Variants in THAP6 observed in about 807,000 individuals in gnomAD.
THAP6 encodes THAP domain containing 6.
Under a neutral mutation model 20.0 loss-of-function variants are expected in THAP6, and 13 were observed. The observed-to-expected ratio is 0.65, with a 90% CI of 0.42 to 1.03. The LOEUF (loss-of-function observed/expected upper bound fraction) is 1.03, where lower values mean the gene tolerates loss of function less well. Ranked by LOEUF, THAP6 falls within the 50% of genes least tolerant of loss-of-function variation. The pLI is 0.00. For missense variants in THAP6, 262 were observed against 261.6 expected, an observed-to-expected ratio of 1.00 and a Z score of -0.01; for synonymous variants, 93 against 92.2, an observed-to-expected ratio of 1.01 and a Z score of -0.05.
At chr4:75,534,904 G>C (rs1726806723), downstream of THAP6, among the ~76,000 whole-genome samples, 2 of 152,056 alleles carry the variant, frequency 1.3e-5, no homozygotes, top group African/African-American at 4.8e-5. Flanking sequence ...AAAAAGTCAG[G>C]AAACGACAGG....
At chr4:75,540,518 A>G (rs1021446813) in intron 2 of THAP6, among the ~76,000 whole-genome samples, 2 of 152,218 alleles carry the variant, frequency 1.3e-5, no homozygotes, top group Non-Finnish European at 2.9e-5. Context: ...GTGTCCAATA[A>G]TAAACTTCTC....
At chr4:75,542,703 A>G (rs1018510272) in intron 3 of THAP6, 7 of 411,480 alleles carry the variant, frequency 1.7e-5, no homozygotes, top group Admixed American at 8.1e-5. Flanking sequence ...TCTACAATGC[A>G]AGAGCCAGAG....
intron 3 of THAP6, among the ~76,000 whole-genome samples, chr4:75,546,568 T>C (rs1247189488): frequency 6.6e-6 from 1 of 152,228 alleles, no homozygotes; most frequent in Non-Finnish European, 1.5e-5. Context: ...TGTGTTAGGA[T>C]TCCCTAGAGA....
intron 2 of THAP6, among the ~76,000 whole-genome samples, chr4:75,539,333 G>T (rs918646920): frequency 6.6e-6 from 1 of 152,120 alleles, no homozygotes; most frequent in African/African-American, 2.4e-5. Context: ...CATGTTTAGT[G>T]TAATAACCCA....
chr4:75,531,129 T>G (rs935996045), downstream of THAP6, among the ~76,000 whole-genome samples: 1 of 152,076 alleles, frequency 6.6e-6, no homozygotes, highest in African/African-American at 2.4e-5. Flanking sequence ...CTGATAAGAG[T>G]AGCTCACTGT....
chr4:75,519,593 C>G (rs1725883830), intron 3 of THAP6, among the ~76,000 whole-genome samples: 1 of 150,684 alleles, frequency 6.6e-6, no homozygotes, highest in Non-Finnish European at 1.5e-5. Flanking sequence ...GTTTTTTGTT[C>G]TTGCGATAGT....
chr4:75,543,757 C>T (rs1044821026), intron 3 of THAP6, among the ~76,000 whole-genome samples: 1 of 152,164 alleles, frequency 6.6e-6, no homozygotes, highest in Admixed American at 6.5e-5. Flanking sequence ...GGCAGTGGAG[C>T]AGAGAGAAGA....
At chr4:75,544,315 G>A (rs1336618175) in intron 3 of THAP6, 1 of 151,946 alleles carries the variant, frequency 6.6e-6, no homozygotes, top group Non-Finnish European at 1.5e-5. Flanking sequence ...TTTAATTTTT[G>A]TTTGTTTTTT....
rs148378951 is a variant in THAP6, at chr4:75,542,227, A to G, written c.166-182A>G. Among the ~76,000 whole-genome samples, 123 of 152,320 alleles carry G rather than the reference A, an allele frequency of 8.1e-4. 2 individuals carry two copies. The East Asian group carries it at 0.022, about 28-fold the overall frequency. ...TGTGACTGGTCACCAGCAGAACCCT[A>G]CAAATGACTGCCTCCATCCCTTGTT... On this transcript the variant is annotated intron_variant, in intron 2 of 4. Coordinates refer to the THAP6 transcript ENST00000502620.
chr4:75,535,149 C>A (rs563835508), intron 2 of THAP6, among the ~76,000 whole-genome samples: 1 of 152,196 alleles, frequency 6.6e-6, no homozygotes, highest in Non-Finnish European at 1.5e-5. Context: ...TCTCATGAGA[C>A]CCATTCACTA....
intron 3 of THAP6, among the ~76,000 whole-genome samples, chr4:75,518,939 A>AT (rs1344900266): frequency 2.6e-5 from 4 of 152,180 alleles, no homozygotes; most frequent in African/African-American, 9.7e-5. Context: ...AGTAAAATAT[A>AT]TTTGTGGAAG....
chr4:75,521,709 ATGATTATT>A lies in THAP6; in HGVS notation c.289-26_289-19del. 1 of 1,538,732 alleles carries A rather than the reference ATGATTATT, an allele frequency of 6.5e-7. No individual in the cohort carries two copies. The highest frequency in any genetic ancestry group is 8.7e-7 in the Non-Finnish European group (1 of 1,147,210). On this transcript the variant is annotated intron_variant, in intron 3 of 4. Transcript: ENST00000311638. ...AGAAAGAACAAAAGTATCTCACTTG[ATGATTATT>A]ATTAACTACTCTTAACAGGGGAAAA...
intron 2 of THAP6, among the ~76,000 whole-genome samples, chr4:75,541,887 G>T (rs946401285): frequency 1.3e-5 from 2 of 151,732 alleles, no homozygotes; most frequent in African/African-American, 4.8e-5. Flanking sequence ...GCGCAGAGGG[G>T]CGGAGGTTTC....
chr4:75,518,584 C>T (rs1055039900), intron 3 of THAP6, among the ~76,000 whole-genome samples: 2 of 152,106 alleles, frequency 1.3e-5, no homozygotes, highest in African/African-American at 4.8e-5. Context: ...AAAACTGAGG[C>T]CCAGAGAACT....
upstream of THAP6, chr4:75,514,085 T>C: frequency 6.7e-7 from 1 of 1,490,276 alleles, no homozygotes; most frequent in Non-Finnish European, 9.1e-7. Context: ...GGAAAAGGTA[T>C]CCTGAAAATC....
chr4:75,536,406 G>A (rs1056305181), intron 2 of THAP6, among the ~76,000 whole-genome samples: 1 of 152,176 alleles, frequency 6.6e-6, no homozygotes, highest in Non-Finnish European at 1.5e-5. Flanking sequence ...GGAGGTTGCG[G>A]TGAGCTGAGA....
At chr4:75,538,203 A>T (rs544524987) in intron 2 of THAP6, among the ~76,000 whole-genome samples, 6 of 152,334 alleles carry the variant, frequency 3.9e-5, no homozygotes, top group Non-Finnish European at 7.3e-5. Flanking sequence ...AGCATTAAAA[A>T]ATATCCTGAA....
At chr4:75,514,637 A>G (rs1263719162) in intron 1 of THAP6, 117 bp downstream of exon 1, 2 of 211,582 alleles carry the variant, frequency 9.5e-6, no homozygotes, top group Admixed American at 5.4e-5. Context: ...CCCAGAGGAA[A>G]GGACGCTCAC....
rs1309266433 is a variant in THAP6 at position 75,516,835 on chromosome 4, T to C, written c.144T>C (p.Asn48=). Residue 48 remains asparagine, a synonymous_variant, in exon 3 of 5, where the codon AAT becomes AAC. Coordinates refer to ENST00000311638, the MANE Select transcript of THAP6 (RefSeq NM_144721.6). ...TAGCAATGAAAAGACTTGATGTGAA[T>C]GCAGCCGGCATTTGGGAGCCTAAAA... ...WVLAMKRLDV[N]AAGIWEPKKG... The C allele has an allele frequency of 1.2e-6, 2 of 1,614,016 alleles. No individual in the cohort carries two copies. Among genetic ancestry groups the C allele is most frequent in the East Asian group, 2.2e-5 (1 of 44,884 alleles).
Sources: allele counts gnomAD v4.1 joint callset (sites outside exome capture counted in the v4.1 genomes callset), GRCh38; gene constraint gnomAD v4.1.1; transcripts MANE v1.5; gene names NCBI Gene and HGNC (gene_info 2026-07-23, HGNC 2026-07-21).